The following PCDH15 variants were observed in gnomAD, a reference collection of about 807,000 sequenced individuals.
PCDH15 encodes protocadherin related 15.
A neutral mutation model predicts 178.5 loss-of-function variants in PCDH15; 129 were observed. The ratio of observed to expected loss-of-function variants is 0.72; its 90% CI spans 0.63 to 0.84. PCDH15 has a LOEUF of 0.84. Ranked by LOEUF, PCDH15 falls within the 40% of genes least tolerant of loss-of-function variation. The pLI, the probability that PCDH15 is intolerant of heterozygous loss-of-function variation, is 0.00. For synonymous variants in PCDH15, 800 were observed against 732.0 expected (o/e 1.09, Z -1.50); for missense variants, 2,230 against 2,099.9 (o/e 1.06, Z -1.21).
intron 30 of PCDH15, among the ~76,000 whole-genome samples, chr10:53,829,162 T>C (rs951107626): frequency 1.3e-5 from 2 of 152,204 alleles, no homozygotes; most frequent in African/African-American, 4.8e-5. Context: ...AAGGTACAAA[T>C]GTTAGGTCTT....
intron 2 of PCDH15, among the ~76,000 whole-genome samples, chr10:54,547,961 T>G (rs938450178): frequency 5.3e-5 from 8 of 151,782 alleles, no homozygotes; most frequent in Non-Finnish European, 1.0e-4. Flanking sequence ...ATTAAACTTT[T>G]GTCATTTTGA....
At chr10:53,881,641 C>A (rs1451680161) in intron 26 of PCDH15, among the ~76,000 whole-genome samples, 10 of 152,094 alleles carry the variant, frequency 6.6e-5, no homozygotes, top group African/African-American at 2.2e-4. Context: ...TTGAAAAAAA[C>A]CAAGCCACCA....
At chr10:54,537,457 G>C (rs943934014) in intron 2 of PCDH15, among the ~76,000 whole-genome samples, 2 of 151,914 alleles carry the variant, frequency 1.3e-5, no homozygotes, top group South Asian at 4.2e-4. Flanking sequence ...AAAACCTGTC[G>C]AAGACACAAG....
Position 53,866,811 on chromosome 10 carries a change from AGT to A in PCDH15, c.3546_3547del (p.Arg1182SerfsTer7). 1.2e-6 allele frequency: 2 copies of A among 1,613,350 alleles called. No homozygotes were observed. The highest frequency in any genetic ancestry group is 1.7e-6 in the Non-Finnish European group (2 of 1,179,444). On this transcript the variant is annotated frameshift_variant, in exon 27 of 38. Transcript: ENST00000644397. LOFTEE classifies it high-confidence loss of function. The stretch of plus-strand genomic sequence containing the variant: ...TCCCTCTTTAATTGGTGGTATTATG[AGT>A]CTGTAGGCCATGACACTATAATTGC...
rs1282696607 is a variant in PCDH15 at position 54,655,285 on chromosome 10, AG to A, written c.91+8886del. Among the ~76,000 whole-genome samples the A allele has an allele frequency of 1.1e-3, 135 of 128,364 alleles. 2 individuals carry two copies. Among genetic ancestry groups the A allele is most frequent in the African/African-American group, 3.7e-3 (130 of 35,218 alleles). 84.2% of individuals were successfully genotyped at this position (128,364 alleles called of 152,430 possible). ...GAGAGAGAGAGAGAGAGAGAGAGAG[AG>A]AGAGAGAGAGAGAGAGACAGAGAGA... On this transcript the variant is annotated intron_variant, in intron 2 of 37. Coordinates refer to ENST00000644397, the MANE Select transcript of PCDH15 (RefSeq NM_001384140.1).
At chr10:54,570,626 C>T (rs868345193) in intron 2 of PCDH15, among the ~76,000 whole-genome samples, 30 of 151,888 alleles carry the variant, frequency 2.0e-4, no homozygotes, top group African/African-American at 6.0e-4. Flanking sequence ...ATTCTGCACC[C>T]GAAGAAAGTG....
intron 1 of PCDH15, among the ~76,000 whole-genome samples, chr10:55,173,506 G>T (rs1024339347): frequency 2.6e-5 from 4 of 151,918 alleles, no homozygotes; most frequent in Admixed American, 6.6e-5. Context: ...AAATTAATAT[G>T]ACATCGTTTA....
intron 1 of PCDH15, chr10:55,247,759 A>G (rs555017217): frequency 1.3e-5 from 2 of 152,096 alleles, no homozygotes; most frequent in African/African-American, 2.4e-5. Flanking sequence ...TTTACAAAAC[A>G]TATACAAATT....
At position 54,411,290 on chromosome 10, in the gene PCDH15, C is replaced by A. The variant is rs572311197; in HGVS notation, c.158-32348G>T. Among the ~76,000 whole-genome samples the A allele has an allele frequency of 1.2e-3, 187 of 152,120 alleles. 2 individuals are homozygous for A. Among genetic ancestry groups the A allele is most frequent in the Non-Finnish European group, 1.9e-3 (131 of 68,002 alleles). On this transcript the variant is annotated intron_variant, in intron 3 of 37. Coordinates refer to ENST00000644397, the MANE Select transcript of PCDH15 (RefSeq NM_001384140.1). Reference sequence around the variant, plus strand: ...TTGGCTGGATTTAAAGGCCACTTCCCAAAATTTGTGCAGAATCTTTGTAGT... The same window carrying A: ...TTGGCTGGATTTAAAGGCCACTTCCAAAAATTTGTGCAGAATCTTTGTAGT...
intron 2 of PCDH15, among the ~76,000 whole-genome samples, chr10:55,154,495 G>A (rs1838829043): frequency 6.6e-6 from 1 of 152,004 alleles, no homozygotes; most frequent in South Asian, 2.1e-4. Context: ...GTAAAATTTG[G>A]CTTACCGAAG....
intron 2 of PCDH15, among the ~76,000 whole-genome samples, chr10:55,458,328 A>G (rs1453504809): frequency 6.6e-6 from 1 of 152,098 alleles, no homozygotes; most frequent in Non-Finnish European, 1.5e-5. Flanking sequence ...ACTCGAATAT[A>G]ATAAAGAACA....
chr10:54,692,874 TTC>T (rs2095151697), intron 1 of PCDH15, among the ~76,000 whole-genome samples: 1 of 152,058 alleles, frequency 6.6e-6, no homozygotes, highest in African/African-American at 2.4e-5. Flanking sequence ...AATAAAACCA[TTC>T]TTTTTTTAAA....
chr10:54,809,023 G>A (rs1357718200), intron 3 of PCDH15, among the ~76,000 whole-genome samples: 1 of 151,766 alleles, frequency 6.6e-6, no homozygotes, highest in Non-Finnish European at 1.5e-5. Context: ...TTTTCGTCCT[G>A]ATCTTGACAA....
intron 15 of PCDH15, among the ~76,000 whole-genome samples, chr10:54,104,637 A>T (rs567682431): frequency 6.6e-6 from 1 of 151,592 alleles, no homozygotes; most frequent in Admixed American, 6.6e-5. Context: ...GGAGATCGAG[A>T]CCATCCTGGT....
chr10:55,247,808 G>A (rs2132219630), intron 1 of PCDH15: 1 of 151,370 alleles, frequency 6.6e-6, no homozygotes, highest in South Asian at 2.1e-4. Flanking sequence ...GGCTGAGGTG[G>A]GAGGATTGCT....
chr10:54,950,412 A>C (rs1258453186), intron 2 of PCDH15, among the ~76,000 whole-genome samples: 1 of 151,966 alleles, frequency 6.6e-6, no homozygotes, highest in Non-Finnish European at 1.5e-5. Context: ...TTCTCATGAT[A>C]GTGAATGAGT....
intron 1 of PCDH15, among the ~76,000 whole-genome samples, chr10:54,787,651 A>G (rs953557825): frequency 2.6e-5 from 4 of 151,952 alleles, no homozygotes; most frequent in Admixed American, 6.6e-5. Flanking sequence ...CATGGGGCAG[A>G]AAAACATTCA....
chr10:53,916,623 G>A (rs533730999), intron 25 of PCDH15, among the ~76,000 whole-genome samples: 1 of 152,256 alleles, frequency 6.6e-6, no homozygotes, highest in East Asian at 1.9e-4. Flanking sequence ...GGACTATAAT[G>A]ATCAACAAAA....
At chr10:54,858,191 A>AAG (rs1953774580) in intron 3 of PCDH15, among the ~76,000 whole-genome samples, 1 of 152,118 alleles carries the variant, frequency 6.6e-6, no homozygotes, top group African/African-American at 2.4e-5. Context: ...AGCTTGTTTC[A>AAG]CTAAGAATAA....
Sources: gnomAD v4.1 joint callset for allele counts (sites outside exome capture counted in the v4.1 genomes callset) on GRCh38, gnomAD v4.1.1 for gene constraint, MANE v1.5 for transcripts, NCBI Gene and HGNC (gene_info 2026-07-23, HGNC 2026-07-21) for gene names.